The following SYTL4 variants were observed in gnomAD, a reference collection of about 807,000 sequenced individuals.
SYTL4 encodes the protein synaptotagmin-like protein 4.
Under a neutral mutation model 52.7 loss-of-function variants are expected in SYTL4, and 16 were observed. That is an observed-to-expected ratio of 0.30 (90% CI 0.21 to 0.46). The LOEUF is 0.46. Ranked by LOEUF, SYTL4 falls within the 20% of genes least tolerant of loss-of-function variation. The pLI is 1.00. For missense variants in SYTL4, 423 were observed against 519.9 expected, an observed-to-expected ratio of 0.81 and a Z score of 1.81; for synonymous variants, 160 against 186.6, an observed-to-expected ratio of 0.86 and a Z score of 1.16.
At chrX:100,699,425 G>T (rs1388229940) in intron 8 of SYTL4, among the ~76,000 whole-genome samples, 4 of 97,970 alleles carry the variant, frequency 4.1e-5, no homozygotes, top group African/African-American at 1.5e-4. Context: ...GAAAAAAAAA[G>T]AAAAGAAAAC....
intron 16 of SYTL4, among the ~76,000 whole-genome samples, chrX:100,681,945 C>T (rs2083382278): frequency 8.9e-6 from 1 of 112,179 alleles, no homozygotes; most frequent in Non-Finnish European, 1.9e-5. Flanking sequence ...ATGTAAATAA[C>T]GATTGCCATT....
chrX:100,694,321 T>C (rs2083660795), intron 8 of SYTL4, among the ~76,000 whole-genome samples: 1 of 111,378 alleles, frequency 9.0e-6, no homozygotes, highest in South Asian at 3.8e-4. Flanking sequence ...CCCATCTCTG[T>C]CCTCAACTCC....
At chrX:100,710,534 G>A (rs1161792917) in intron 2 of SYTL4, among the ~76,000 whole-genome samples, 2 of 112,079 alleles carry the variant, frequency 1.8e-5, no homozygotes, top group Non-Finnish European at 3.8e-5. Context: ...ATTATAAAAT[G>A]TCAAGGTGGA....
At chrX:100,692,524 T>C (rs2083618127) in intron 8 of SYTL4, among the ~76,000 whole-genome samples, 1 of 111,508 alleles carries the variant, frequency 9.0e-6, no homozygotes, top group African/African-American at 3.3e-5. Context: ...ACCAGAATTC[T>C]TTTTTTTAGC....
chrX:100,697,780 G>C (rs1354692918), intron 8 of SYTL4, among the ~76,000 whole-genome samples: 1 of 111,628 alleles, frequency 9.0e-6, no homozygotes, highest in Non-Finnish European at 1.9e-5. Context: ...AGGGGAAAAG[G>C]GGTAGGGGAG....
chrX:100,676,781 G>A (rs781565229), intron 19 of SYTL4, among the ~76,000 whole-genome samples: 6 of 111,496 alleles, frequency 5.4e-5, no homozygotes, highest in East Asian at 2.8e-4. Context: ...CACCGTGCCC[G>A]GCCAACTTTT....
At chrX:100,685,846 C>A in intron 16 of SYTL4, 144 bp downstream of exon 16, 1 of 528,010 alleles carries the variant, frequency 1.9e-6, no homozygotes, top group Non-Finnish European at 2.9e-6. Flanking sequence ...TCTGAAATTG[C>A]TGTCAAACTC....
chrX:100,701,649 C>T lies in SYTL4; in HGVS notation c.135G>A (p.Glu45=). 1 of 1,211,494 alleles carries T rather than the reference C, an allele frequency of 8.3e-7. No individual in the cohort carries two copies. The highest frequency in any genetic ancestry group is 1.1e-6 in the Non-Finnish European group (1 of 895,392). ...RIRRLKNELL[E]IKRKGAKRGS... is the part of the protein sequence containing the mutation. ...CCCTCTTGGCCCCTTTCCTTTTTAT[C>T]TCCAGTAACTCATTCTTTAGTCGCC... The change falls in exon 6 of 20, where the codon GAG becomes GAA. Residue 45 remains glutamate (E), a synonymous_variant. Transcript: ENST00000372989.
At chrX:100,699,241 C>T (rs1398387304) in intron 8 of SYTL4, among the ~76,000 whole-genome samples, 5 of 107,037 alleles carry the variant, frequency 4.7e-5, no homozygotes, top group African/African-American at 1.7e-4. Context: ...GTGACGCGTG[C>T]CTGTAATCCC....
chrX:100,714,054 T>C (rs563980931), intron 2 of SYTL4, among the ~76,000 whole-genome samples: 1 of 111,317 alleles, frequency 9.0e-6, no homozygotes. Context: ...CTGGTGATAG[T>C]TTCATGGATA....
At chrX:100,714,272 T>A (rs1222274140) in intron 2 of SYTL4, among the ~76,000 whole-genome samples, 1 of 109,559 alleles carries the variant, frequency 9.1e-6, no homozygotes, top group Non-Finnish European at 1.9e-5. Flanking sequence ...GATTTTTTTT[T>A]TTTTTTTGAG....
At chrX:100,702,620 T>C (rs1276029471) in intron 4 of SYTL4, among the ~76,000 whole-genome samples, 1 of 111,996 alleles carries the variant, frequency 8.9e-6, no homozygotes, top group African/African-American at 3.2e-5. Flanking sequence ...CCCCCTACTC[T>C]ATCTCTCAAA....
chrX:100,683,693 G>A (rs1046747883), intron 16 of SYTL4, among the ~76,000 whole-genome samples: 2 of 112,152 alleles, frequency 1.8e-5, no homozygotes, highest in African/African-American at 6.5e-5. Flanking sequence ...TATATAATAT[G>A]GGAATGGTCT....
chrX:100,688,159 G>A (rs1487336393), intron 13 of SYTL4, 192 bp downstream of exon 13: 1 of 377,896 alleles, frequency 2.6e-6, no homozygotes, highest in Admixed American at 4.7e-5. Flanking sequence ...CCAGGTGGGG[G>A]CTCAGGAAGT....
In SYTL4 at chrX:100,701,671, C is replaced by T. The variant is rs770756316; in HGVS notation, c.113G>A (p.Arg38Gln). 6 of 1,208,233 alleles carry T rather than the reference C, an allele frequency of 5.0e-6. No individual in the cohort carries two copies. The South Asian group carries it at 7.1e-5, about 14-fold the overall frequency. The change falls in exon 6 of 20, where the codon CGA becomes CAA. Residue 38 changes from arginine to glutamine, a missense_variant and splice_region_variant. By Grantham distance (43) the Arg-to-Gln change is conservative. Coordinates refer to ENST00000372989, the MANE Select transcript of SYTL4 (RefSeq NM_001370165.1). ...TATCTCCAGTAACTCATTCTTTAGT[C>T]GCCTGCCAAGACCCAAAACAGAAGC... ...VRKADEKRIRRLKNELLEIKR... is the reference protein window; with the variant it reads ...VRKADEKRIRQLKNELLEIKR...
chrX:100,681,175 C>G, intron 17 of SYTL4, 52 bp downstream of exon 17: 1 of 1,064,366 alleles, frequency 9.4e-7, no homozygotes, highest in Non-Finnish European at 1.3e-6. Flanking sequence ...CGGCCTTGCA[C>G]AGATCCTATG....
At chrX:100,731,119 AC>A (rs2147858301) in intron 2 of SYTL4, among the ~76,000 whole-genome samples, 1 of 111,668 alleles carries the variant, frequency 9.0e-6, no homozygotes, top group Admixed American at 9.5e-5. Context: ...GAAAGTCACC[AC>A]TTTTCAAGCC....
chrX:100,714,674 A>G (rs73557584), intron 2 of SYTL4, among the ~76,000 whole-genome samples: 13,546 of 111,871 alleles, frequency 0.12, 1,536 homozygotes, highest in African/African-American at 0.37. Flanking sequence ...TGTCAAAAAC[A>G]TAAAAGACAG....
intron 2 of SYTL4, among the ~76,000 whole-genome samples, chrX:100,709,355 T>C (rs2084020616): frequency 9.2e-6 from 1 of 109,252 alleles, no homozygotes; most frequent in African/African-American, 3.4e-5. Context: ...AAAAAAAAAT[T>C]AGCCAGGCAT....
Sources: gnomAD v4.1 joint callset for allele counts (sites outside exome capture counted in the v4.1 genomes callset) on GRCh38, gnomAD v4.1.1 for gene constraint, MANE v1.5 for transcripts, NCBI Gene and HGNC (gene_info 2026-07-23, HGNC 2026-07-21) for gene names.